The following CP variants were observed in gnomAD, a reference collection of about 807,000 sequenced individuals.
The protein encoded by CP is caeruloplasmin.
Under a neutral mutation model 122.4 loss-of-function variants are expected in CP, and 64 were observed. That is an observed-to-expected ratio of 0.52 (90% CI 0.43 to 0.64). The LOEUF is 0.64. Among genes scored for constraint, CP ranks in the 30% least tolerant of loss-of-function variants. The pLI, the probability that CP is intolerant of heterozygous loss-of-function variation, is 0.00. For synonymous variants in CP, 440 were observed against 436.4 expected (o/e 1.01, Z -0.10); for missense variants, 1,167 against 1,284.4 (o/e 0.91, Z 1.40).
downstream of CP, chr3:149,172,243 C>T (rs1486126589): frequency 6.4e-6 from 10 of 1,573,206 alleles, no homozygotes; most frequent in Non-Finnish European, 7.8e-6. Flanking sequence ...TGAAAAATAC[C>T]ATAATGGCAT....
chr3:149,186,448 A>T (rs1726176765), intron 11 of CP, 72 bp downstream of exon 11: 3 of 1,418,760 alleles, frequency 2.1e-6, no homozygotes, highest in Admixed American at 3.5e-5. Flanking sequence ...CACCCAACAC[A>T]TTCTGCTACA....
Position 149,221,725 on chromosome 3 carries a change from T to G in CP, c.68A>C (p.His23Pro). 1 of 1,613,418 alleles carries G rather than the reference T, an allele frequency of 6.2e-7. No individual in the cohort carries two copies. Among genetic ancestry groups the G allele is most frequent in the Non-Finnish European group, 8.5e-7 (1 of 1,179,682 alleles). The change falls in exon 1 of 19, where the codon CAT (histidine) becomes CCT (proline). Residue 23 changes from histidine to proline, a missense_variant. His to Pro is a moderately conservative substitution (Grantham distance 77). This residue lies in a region of CP where 642 missense variants were observed against 627.3 expected (regional missense o/e 1.02). Transcript: ENST00000264613. ...CGTTTCAATAATTCCAATGTAATAATGCTTTTCTTTCGCCCAGGCTGGGGT... is the reference window on the plus strand; with the variant it reads ...CGTTTCAATAATTCCAATGTAATAAGGCTTTTCTTTCGCCCAGGCTGGGGT... ...CSTPAWAKEK[H>P]YYIGIIETTW... is the part of the protein sequence containing the mutation.
chr3:149,181,975 C>CGGGGGGG, intron 14 of CP, 30 bp downstream of exon 14: 6 of 1,088,424 alleles, frequency 5.5e-6, no homozygotes, highest in Non-Finnish European at 8.1e-6. Context: ...TGTTAAAATG[C>CGGGGGGG]ACCACCCCCA....
intron 5 of CP, chr3:149,162,942 A>T: frequency 7.8e-7 from 1 of 1,279,048 alleles, no homozygotes; most frequent in Non-Finnish European, 1.1e-6. Context: ...AACATACCTT[A>T]TTTTTAATAA....
intron 18 of CP, 44 bp downstream of exon 18, chr3:149,176,206 T>C (rs374767187): frequency 8.9e-5 from 140 of 1,581,264 alleles, no homozygotes; most frequent in Non-Finnish European, 1.1e-4. Context: ...CCTTTAGTTA[T>C]ATCTTTTATA....
intron 8 of CP, among the ~76,000 whole-genome samples, chr3:149,199,285 TA>T (rs1349385259): frequency 6.6e-6 from 1 of 152,140 alleles, no homozygotes; most frequent in Non-Finnish European, 1.5e-5. Flanking sequence ...ATTATATGTA[TA>T]CAGATGAAAA....
exon 5 of CP, chr3:149,165,982 A>T (rs1346062353): frequency 6.6e-6 from 3 of 456,032 alleles, no homozygotes; most frequent in African/African-American, 6.0e-5. Flanking sequence ...GATATTTGGA[A>T]TAAAATAATC....
At chr3:149,188,245 G>A (rs374185048) in intron 9 of CP, 43 bp from the exon 10 acceptor site, 1 of 1,542,934 alleles carries the variant, frequency 6.5e-7, no homozygotes, top group African/African-American at 1.4e-5. Context: ...AATGAATAAA[G>A]CAGAAGACTT....
Position 149,210,364 on chromosome 3 carries a change from T to C in CP, c.410A>G (p.Asp137Gly). The change falls in exon 3 of 19, where the codon GAT becomes GGT. Residue 137 changes from aspartate (D) to glycine (G), a missense_variant. Physicochemically the swap from Asp to Gly is moderately conservative, Grantham distance 94. Transcript: ENST00000264613. ...YKEHEGAIYPDNTTDFQRADD... is the reference protein window; with the variant it reads ...YKEHEGAIYPGNTTDFQRADD... ...TGCTCTTTGAAAATCTGTGGTGTTA[T>C]CAGGGTAGATGGCCCCTAGGAAGCA... The C allele has an allele frequency of 6.2e-7, 1 of 1,614,036 alleles. No homozygotes were observed. The highest frequency in any genetic ancestry group is 1.1e-5 in the South Asian group (1 of 91,076).
Position 149,212,572 on chromosome 3 carries a change from C to T in CP, c.273G>A (p.Gly91=). ...CAGCTTTGATAATAGGGCCTAAAAA[C>T]CCAAGCCAGACCGGTTTTTCTATAG... is the stretch of plus-strand genomic sequence containing the variant. The part of the protein sequence containing the change: ...RTTIEKPVWL[G]FLGPIIKAET... The change falls in exon 2 of 19, where the codon GGG becomes GGA. Residue 91 remains glycine, a synonymous_variant. Transcript: ENST00000264613. 2 of 1,613,990 alleles carry T rather than the reference C, an allele frequency of 1.2e-6. No homozygotes were observed. The highest frequency in any genetic ancestry group is 1.7e-6 in the Non-Finnish European group (2 of 1,179,966).
At chr3:149,166,778 C>T (rs1379907571) in intron 4 of CP, among the ~76,000 whole-genome samples, 2 of 152,022 alleles carry the variant, frequency 1.3e-5, no homozygotes, top group Non-Finnish European at 2.9e-5. Flanking sequence ...AATTTGCAGT[C>T]CACACAAAGC....
chr3:149,200,539 G>A (rs555477905), intron 7 of CP, among the ~76,000 whole-genome samples: 2 of 152,030 alleles, frequency 1.3e-5, no homozygotes, highest in African/African-American at 2.4e-5. Context: ...GTCTCATTCT[G>A]TTGCCTAGGC....
At chr3:149,162,982 TTA>T in intron 5 of CP, 1 of 970,044 alleles carries the variant, frequency 1.0e-6, no homozygotes, top group South Asian at 1.4e-5. Context: ...TAGTTTTCTA[TTA>T]CCAGGTATCT....
chr3:149,206,290 T>C lies in CP; in HGVS notation c.1086A>G (p.Ser362=). 1.1e-5 allele frequency: 17 copies of C among 1,614,008 alleles called. No individual in the cohort carries two copies. Among genetic ancestry groups the C allele is most frequent in the Non-Finnish European group, 1.4e-5 (17 of 1,179,884 alleles). Residue 362 remains serine (S), a synonymous_variant, in exon 6 of 19, where the codon TCA becomes TCG. Coordinates refer to ENST00000264613, the MANE Select transcript of CP (RefSeq NM_000096.4). ...FQVQECNKSS[S]KDNIRGKHVR... ...CATGCTTCCCACGGATATTATCCTT[T>C]GATGAAGACTTGTTACACTCCTGGA...
Position 149,210,309 on chromosome 3 carries a change from A to G in CP, c.465T>C (p.Tyr155=). ...ADDKVYPGEQ[Y]TYMLLATEEQ... ...CTTCAGTGGCAAGCAACATGTATGTATACTGCTCTCCTGGATATACTTTGT... is the reference window on the plus strand; with the variant it reads ...CTTCAGTGGCAAGCAACATGTATGTGTACTGCTCTCCTGGATATACTTTGT... Residue 155 remains tyrosine, a synonymous_variant, in exon 3 of 19, where the codon TAT becomes TAC. Transcript: ENST00000264613. 6.2e-7 allele frequency: 1 copy of G among 1,614,128 alleles called. No individual in the cohort carries two copies. Among genetic ancestry groups the G allele is most frequent in the Admixed American group, 1.7e-5 (1 of 60,018 alleles).
intron 4 of CP, 45 bp downstream of exon 4, chr3:149,209,166 T>A: frequency 6.2e-7 from 1 of 1,611,148 alleles, no homozygotes; most frequent in Non-Finnish European, 8.5e-7. Context: ...AATTAATGGA[T>A]CAAGGGAAAA....
intron 18 of CP, among the ~76,000 whole-genome samples, chr3:149,175,243 T>C (rs917825664): frequency 1.3e-5 from 2 of 152,184 alleles, no homozygotes; most frequent in African/African-American, 4.8e-5. Flanking sequence ...CTCTTCACTT[T>C]GTTCAAGTTA....
At chr3:149,178,374 A>G (rs750018352) in intron 16 of CP, 41 bp downstream of exon 16, 1 of 1,413,038 alleles carries the variant, frequency 7.1e-7, no homozygotes, top group Non-Finnish European at 9.9e-7. Context: ...AGAGAAAATG[A>G]TAAAAAAGTA....
At chr3:149,172,139 A>G (rs1206629874), downstream of CP, 6 of 1,612,922 alleles carry the variant, frequency 3.7e-6, no homozygotes, top group Admixed American at 1.7e-5. Flanking sequence ...GAAGGATTTC[A>G]TGAATGTTCT....
Sources: gnomAD v4.1 joint callset for allele counts (sites outside exome capture counted in the v4.1 genomes callset) on GRCh38, gnomAD v4.1.1 for gene constraint, gnomAD v4.1.1 regional missense constraint, MANE v1.5 for transcripts, NCBI Gene and HGNC (gene_info 2026-07-23, HGNC 2026-07-21) for gene names.